The following PANK4 variants were observed in gnomAD, a reference collection of about 807,000 sequenced individuals.
PANK4 encodes the protein pantothenate kinase 4 (inactive).
Under a neutral mutation model 87.9 loss-of-function variants are expected in PANK4, and 40 were observed. The ratio of observed to expected loss-of-function variants is 0.46; its 90% CI spans 0.35 to 0.59. The LOEUF (loss-of-function observed/expected upper bound fraction) is 0.59, where lower values mean the gene tolerates loss of function less well. Among genes scored for constraint, PANK4 ranks in the 20% least tolerant of loss-of-function variants. The probability of loss-of-function intolerance (pLI) is 0.00; values close to 1 mark genes in which losing one functional copy is unlikely to be tolerated. For synonymous variants in PANK4, 524 were observed against 467.4 expected (o/e 1.12, Z -1.56); for missense variants, 926 against 1,072.3 (o/e 0.86, Z 1.90).
Position 2,510,705 on chromosome 1 carries a change from G to A in PANK4, c.1911C>T (p.Val637=), listed in dbSNP as rs1323044724. Residue 637 remains valine, a synonymous_variant, in exon 16 of 19, where the codon GTC becomes GTT. Coordinates refer to ENST00000378466, the MANE Select transcript of PANK4 (RefSeq NM_018216.4). This position sits in a 1 kb window ranked among gnomAD's most constrained non-coding sequence, Gnocchi z 4.9. Reference sequence around the variant, plus strand: ...CTGTCCCTCTAAGGAGTAGCTCCCTGACAAAGGGGAAGACTCCCAAAATGA... The same window carrying A: ...CTGTCCCTCTAAGGAGTAGCTCCCTAACAAAGGGGAAGACTCCCAAAATGA... ...IDIILGVFPF[V]RELLLRGTEV... is the part of the protein sequence containing the mutation. The A allele has an allele frequency of 6.2e-7, 1 of 1,607,870 alleles. No homozygotes were observed. The highest frequency in any genetic ancestry group is 8.5e-7 in the Non-Finnish European group (1 of 1,175,154).
Position 2,515,618 on chromosome 1 carries a change from C to A in PANK4, c.1318G>T (p.Asp440Tyr), listed in dbSNP as rs750306732. The A allele has an allele frequency of 6.2e-7, 1 of 1,613,336 alleles. No homozygotes were observed. The highest frequency in any genetic ancestry group is 2.2e-5 in the East Asian group (1 of 44,866). The change falls in exon 10 of 19, where the codon GAT becomes TAT. Residue 440 changes from aspartate to tyrosine, a missense_variant. Coordinates refer to ENST00000378466, the MANE Select transcript of PANK4 (RefSeq NM_018216.4). The surrounding 1 kb of genome is among the most constrained non-coding windows in gnomAD (Gnocchi z 5.0). ...CAGTATTTTCGGGCCAGAGCGTCAT[C>A]GGTGAGGTCCACCGTGTCGGGCACG... ...SYVPDTVDLT[D>Y]DALARKYWLT... is the part of the protein sequence containing the mutation.
At position 2,512,725 on chromosome 1, in the gene PANK4, C is replaced by T. The variant is rs185432667; in HGVS notation, c.1727+163G>A. ...GCGCTGCGCCCTGCCCAGCCCCTGG[C>T]GCTGCTGCCATGTGCACTCCCTGGG... On this transcript the variant is annotated intron_variant, in intron 13 of 18. Coordinates refer to ENST00000378466, the MANE Select transcript of PANK4 (RefSeq NM_018216.4). The T allele has an allele frequency of 1.6e-3, 1,086 of 689,596 alleles. 13 individuals are homozygous for T. The African/African-American group carries it at 0.017, about 11-fold the overall frequency. 42.7% of individuals were successfully genotyped at this position (689,596 alleles called of 1,614,324 possible).
At position 2,510,246 on chromosome 1, in the gene PANK4, G is replaced by T; in HGVS notation, c.1939-89C>A. ...CCCCGGCCTTCGAGTGGCTGGGCTG[G>T]GTGAGGGTGCTGTGCCCAGCGGGCC... On this transcript the variant is annotated intron_variant, in intron 16 of 18. Coordinates refer to ENST00000378466, the MANE Select transcript of PANK4 (RefSeq NM_018216.4). The surrounding 1 kb of genome is among the most constrained non-coding windows in gnomAD (Gnocchi z 4.9). 1 of 874,242 alleles carries T rather than the reference G, an allele frequency of 1.1e-6. No homozygotes were observed. Among genetic ancestry groups the T allele is most frequent in the Non-Finnish European group, 1.9e-6 (1 of 533,328 alleles). 54.2% of individuals were successfully genotyped at this position (874,242 alleles called of 1,614,324 possible). A position where few individuals can be genotyped will look rare whatever the true frequency, so the allele number is the denominator to read the frequency against.
rs1242046715 is a variant in PANK4, at chr1:2,518,582, G to GA, written c.1050_1051insT (p.Leu351SerfsTer20). 1 of 1,570,408 alleles carries GA rather than the reference G, an allele frequency of 6.4e-7. No individual in the cohort carries two copies. The highest frequency in any genetic ancestry group is 1.4e-5 in the African/African-American group (1 of 73,904). On this transcript the variant is annotated frameshift_variant, in exon 8 of 19. Coordinates refer to ENST00000378466, the MANE Select transcript of PANK4 (RefSeq NM_018216.4). LOFTEE classifies it high-confidence loss of function. Reference sequence around the variant, plus strand: ...AGGTAGCCTTCGTGCCTCAGAAACAGCGCCTGCACTTCCCCCTGCCGTGGC... The same window carrying GA: ...AGGTAGCCTTCGTGCCTCAGAAACAGACGCCTGCACTTCCCCCTGCCGTGGC...
intron 13 of PANK4, 88 bp from the exon 14 acceptor site, chr1:2,511,771 C>T: frequency 3.8e-6 from 3 of 790,954 alleles, no homozygotes; most frequent in Non-Finnish European, 6.6e-6. Context: ...AAATCCCTCC[C>T]AGGCGGGACA....
At chr1:2,514,529 T>G in intron 10 of PANK4, 63 bp from the exon 11 acceptor site, 1 of 977,176 alleles carries the variant, frequency 1.0e-6, no homozygotes. Context: ...AATCCCCACG[T>G]GACAGCAGGG....
chr1:2,519,401 GGAGA>G lies in PANK4; in HGVS notation c.854-81_854-78del. 1 of 575,048 alleles carries G rather than the reference GGAGA, an allele frequency of 1.7e-6. No homozygotes were observed. The highest frequency in any genetic ancestry group is 2.6e-6 in the Non-Finnish European group (1 of 387,980). 35.6% of individuals were successfully genotyped at this position (575,048 alleles called of 1,614,324 possible). A position where few individuals can be genotyped will look rare whatever the true frequency, so the allele number is the denominator to read the frequency against. ...CATGAGAGCGAGCAGGAGGGGAGGGGGAGAGAGAGCTGAGTGGGAGGGGAGGGGG... is the reference window on the plus strand; with the variant it reads ...CATGAGAGCGAGCAGGAGGGGAGGGGGAGAGCTGAGTGGGAGGGGAGGGGG... On this transcript the variant is annotated intron_variant, in intron 6 of 18. Coordinates refer to ENST00000378466, the MANE Select transcript of PANK4 (RefSeq NM_018216.4). This position sits in a 1 kb window ranked among gnomAD's most constrained non-coding sequence, Gnocchi z 8.3.
At chr1:2,512,352 C>G (rs905964492) in intron 13 of PANK4, 10 of 153,964 alleles carry the variant, frequency 6.5e-5, no homozygotes, top group Admixed American at 6.5e-4. Flanking sequence ...GCAGGGACCA[C>G]GAGAGGTGGT....
intron 8 of PANK4, 114 bp from the exon 9 acceptor site, chr1:2,518,378 G>C (rs1643823151): frequency 3.1e-6 from 3 of 960,414 alleles, no homozygotes; most frequent in South Asian, 2.8e-5. Flanking sequence ...TAAAATGTTA[G>C]ACATGCCTGC....
At chr1:2,526,163 C>T (rs895027269) in intron 1 of PANK4, 2 of 152,522 alleles carry the variant, frequency 1.3e-5, no homozygotes, top group East Asian at 1.9e-4. Flanking sequence ...ACGCTGGACC[C>T]CGGCCCCCAG....
intron 8 of PANK4, 31 bp downstream of exon 8, chr1:2,518,485 G>A (rs116387284): frequency 0.027 from 41,417 of 1,530,082 alleles, 649 homozygotes; most frequent in Non-Finnish European, 0.032. Context: ...GAGGCCCCAC[G>A]CTGCTCAGGG....
chr1:2,521,054 C>T (rs377019789), intron 3 of PANK4, 47 bp downstream of exon 3: 14 of 1,564,812 alleles, frequency 8.9e-6, no homozygotes, highest in African/African-American at 6.8e-5. Context: ...CCCAGGGACT[C>T]GGGGGCAGAC....
intron 3 of PANK4, 84 bp downstream of exon 3, chr1:2,521,017 G>C: frequency 6.6e-7 from 1 of 1,522,164 alleles, no homozygotes; most frequent in Non-Finnish European, 9.1e-7. Context: ...TCTGACACAC[G>C]AGCGCCAGGG....
chr1:2,509,945 G>A lies in PANK4; in HGVS notation c.2040-15C>T, dbSNP rs1362820020. 1.2e-6 allele frequency: 2 copies of A among 1,609,414 alleles called. No homozygotes were observed. Among genetic ancestry groups the A allele is most frequent in the South Asian group, 1.1e-5 (1 of 90,396 alleles). On this transcript the variant is annotated splice_polypyrimidine_tract_variant and intron_variant, in intron 17 of 18. Transcript: ENST00000378466. This position sits in a 1 kb window ranked among gnomAD's most constrained non-coding sequence, Gnocchi z 4.9. ...GGAGCGCAGAGCTGCCAGATACAAGGTGGTCAGTGCCCCCAGGAGCTCCCA... is the reference window on the plus strand; with the variant it reads ...GGAGCGCAGAGCTGCCAGATACAAGATGGTCAGTGCCCCCAGGAGCTCCCA...
rs146408465 is a variant in PANK4, at chr1:2,521,766, C to A, written c.159G>T (p.Thr53=). Residue 53 remains threonine, a synonymous_variant, in exon 2 of 19, where the codon ACG becomes ACT. Coordinates refer to ENST00000378466, the MANE Select transcript of PANK4 (RefSeq NM_018216.4). ...GSLTKLAYYS[T]VQHKVAKVRS... is the part of the protein sequence containing the mutation. ...GCACCTTGGCGACTTTGTGCTGTAC[C>A]GTTGAATAGTAGGCCAGCTTGGTTA... 1.1e-5 allele frequency: 18 copies of A among 1,613,874 alleles called. No individual in the cohort carries two copies. The African/African-American group carries it at 2.4e-4, about 22-fold the overall frequency.
In PANK4 at chr1:2,520,443, T is replaced by A; in HGVS notation, c.607-29A>T. 6.3e-7 allele frequency: 1 copy of A among 1,587,800 alleles called. No individual in the cohort carries two copies. The highest frequency in any genetic ancestry group is 8.6e-7 in the Non-Finnish European group (1 of 1,158,192). Reference sequence around the variant, plus strand: ...CAACAGAGCCAGGGCAGGTGTGCCCTCAGTGGGCCCTCAGCCACACAGGCT... The same window carrying A: ...CAACAGAGCCAGGGCAGGTGTGCCCACAGTGGGCCCTCAGCCACACAGGCT... On this transcript the variant is annotated intron_variant, in intron 4 of 18. Transcript: ENST00000378466. The surrounding 1 kb of genome is among the most constrained non-coding windows in gnomAD (Gnocchi z 6.2).
intron 12 of PANK4, among the ~76,000 whole-genome samples, chr1:2,513,730 C>T (rs1203108942): frequency 1.3e-5 from 2 of 152,218 alleles, no homozygotes; most frequent in African/African-American, 4.8e-5. Flanking sequence ...AGGAACACAT[C>T]CAAACTGGGG....
In PANK4 at chr1:2,518,544, T is replaced by G; in HGVS notation, c.1089A>C (p.Gly363=). Residue 363 remains glycine, a synonymous_variant, in exon 8 of 19, where the codon GGA becomes GGC. Coordinates refer to ENST00000378466, the MANE Select transcript of PANK4 (RefSeq NM_018216.4). ...CCTGCTCAGCTCCTTTCAGGAACGC[T>G]CCGATGGCTCCCAGGTAGCCTTCGT... The part of the protein sequence containing the change: ...LRHEGYLGAI[G]AFLKGAEQDN... 6.4e-7 allele frequency: 1 copy of G among 1,572,352 alleles called. No individual in the cohort carries two copies. Among genetic ancestry groups the G allele is most frequent in the Non-Finnish European group, 8.6e-7 (1 of 1,158,696 alleles).
chr1:2,524,234 G>A (rs996056578), intron 1 of PANK4, among the ~76,000 whole-genome samples: 5 of 152,132 alleles, frequency 3.3e-5, no homozygotes, highest in Non-Finnish European at 4.4e-5. Flanking sequence ...GCGTCCCATC[G>A]AGAGGAAAAC....
Sources: allele counts gnomAD v4.1 joint callset (sites outside exome capture counted in the v4.1 genomes callset), GRCh38; gene constraint gnomAD v4.1.1; non-coding constraint Gnocchi (gnomAD v3.1); transcripts MANE v1.5; gene names NCBI Gene and HGNC (gene_info 2026-07-23, HGNC 2026-07-21).